The following JPH4 variants were observed in gnomAD, a reference collection of about 807,000 sequenced individuals.
The protein encoded by JPH4 is junctophilin-4.
JPH4 carries 18 observed loss-of-function variants against 57.6 expected under a neutral mutation model. The ratio of observed to expected loss-of-function variants is 0.31; its 90% confidence interval spans 0.22 to 0.46. The LOEUF is 0.46. Among genes scored for constraint, JPH4 ranks in the 20% least tolerant of loss-of-function variants. The pLI, the probability that JPH4 is intolerant of heterozygous loss-of-function variation, is 1.00. For missense variants in JPH4, 727 were observed against 911.1 expected (o/e 0.80, Z 2.60); for synonymous variants, 425 against 406.6 (o/e 1.05, Z -0.54).
Position 23,576,310 on chromosome 14 carries a change from G to C in JPH4, c.526C>G (p.Pro176Ala). The C allele has an allele frequency of 1.6e-6, 2 of 1,288,338 alleles. No homozygotes were observed. The highest frequency in any genetic ancestry group is 2.0e-6 in the Non-Finnish European group (2 of 1,019,846). 79.8% of individuals were successfully genotyped at this position (1,288,338 alleles called of 1,614,324 possible). ...GHSDPPTPPP[P>A]LPLPGDEGGS... ...CCCTCGTCGCCCGGCAAGGGCAGGG[G>C]CGGGGGTGGCGTCGGGGGGTCGCTG... The change falls in exon 3 of 6, where the codon CCC (proline) becomes GCC (alanine). Residue 176 changes from proline (P) to alanine (A), a missense_variant. By Grantham distance (27) the Pro-to-Ala change is conservative. Transcript: ENST00000356300. This position sits in a 1 kb window ranked among gnomAD's most constrained non-coding sequence, Gnocchi z 8.0.
chr14:23,570,815 G>T, intron 5 of JPH4, 113 bp downstream of exon 5: 1 of 1,119,830 alleles, frequency 8.9e-7, no homozygotes, highest in Non-Finnish European at 1.2e-6. Context: ...GACTGGCCAG[G>T]CAGAGGAAGC....
At position 23,577,070 on chromosome 14, in the gene JPH4, C is replaced by T; in HGVS notation, c.379+5G>A. On this transcript the variant is annotated splice_donor_5th_base_variant and intron_variant, in intron 2 of 5. Coordinates refer to ENST00000356300, the MANE Select transcript of JPH4 (RefSeq NM_001146028.2). The surrounding 1 kb of genome is among the most constrained non-coding windows in gnomAD (Gnocchi z 8.4). ...AGACAGACACTGGTGGGCCGGGCCC[C>T]GCACCTCCGTCGGAGTAGGTCTCAG... 1 of 1,521,062 alleles carries T rather than the reference C, an allele frequency of 6.6e-7. No homozygotes were observed. The highest frequency in any genetic ancestry group is 1.7e-4 in the Middle Eastern group (1 of 5,776). The allele number at this position is 1,521,062 out of a possible 1,614,324, so 94.2% of individuals were successfully genotyped here. A position where few individuals can be genotyped will look rare whatever the true frequency, so the allele number is the denominator to read the frequency against.
rs778725044 is a variant in JPH4 at position 23,571,926 on chromosome 14, G to C, written c.1152-6C>G. 6.2e-7 allele frequency: 1 copy of C among 1,609,582 alleles called. No individual in the cohort carries two copies. The highest frequency in any genetic ancestry group is 1.1e-5 in the South Asian group (1 of 91,072). On this transcript the variant is annotated splice_region_variant and splice_polypyrimidine_tract_variant and intron_variant, in intron 3 of 5. Coordinates refer to ENST00000356300, the MANE Select transcript of JPH4 (RefSeq NM_001146028.2). The surrounding 1 kb of genome is among the most constrained non-coding windows in gnomAD (Gnocchi z 4.6). Reference sequence around the variant, plus strand: ...TTAGGAGGGCGTCTGCTGCCCTGTCGGGTCCAGAGACAGGGATTTAGCAGA... The same window carrying C: ...TTAGGAGGGCGTCTGCTGCCCTGTCCGGTCCAGAGACAGGGATTTAGCAGA...
At position 23,571,655 on chromosome 14, in the gene JPH4, C is replaced by T. The variant is rs866919063; in HGVS notation, c.1270+147G>A. 2 of 1,000,300 alleles carry T rather than the reference C, an allele frequency of 2.0e-6. No homozygotes were observed. Among genetic ancestry groups the T allele is most frequent in the East Asian group, 4.8e-5 (2 of 41,866 alleles). The allele number at this position is 1,000,300 out of a possible 1,614,324, so 62.0% of individuals were successfully genotyped here. A position where few individuals can be genotyped will look rare whatever the true frequency, so the allele number is the denominator to read the frequency against. ...CCACTCCCCAGACTACCAGGTCTGG[C>T]CCCCACCCTGTGTTCCTTGCACCCT... On this transcript the variant is annotated intron_variant, in intron 4 of 5. Transcript: ENST00000356300. This position sits in a 1 kb window ranked among gnomAD's most constrained non-coding sequence, Gnocchi z 4.6.
In JPH4 at chr14:23,575,693, G is replaced by T; in HGVS notation, c.1143C>A (p.Ala381=). The T allele has an allele frequency of 6.2e-7, 1 of 1,602,330 alleles. No individual in the cohort carries two copies. The part of the protein sequence containing the change: ...VSAARQRQEI[A]AARAADALLK... ...CTGAACTGGACGCCCACCTGGCAGC[G>T]GCGATCTCCTGGCGCTGACGGGCAG... The change falls in exon 3 of 6, where the codon GCC becomes GCA. Residue 381 remains alanine, a synonymous_variant. Transcript: ENST00000356300. The surrounding 1 kb of genome is among the most constrained non-coding windows in gnomAD (Gnocchi z 6.9).
At position 23,569,969 on chromosome 14, in the gene JPH4, A is replaced by G. The variant is rs1462301384; in HGVS notation, c.1804-252T>C. On this transcript the variant is annotated intron_variant, in intron 5 of 5. Coordinates refer to ENST00000356300, the MANE Select transcript of JPH4 (RefSeq NM_001146028.2). This position sits in a 1 kb window ranked among gnomAD's most constrained non-coding sequence, Gnocchi z 4.8. ...TCTAGTCCCCTCCCATCAGCATATCATGTGTCCCAGGCAGGAGGTGCCTGG... is the reference window on the plus strand; with the variant it reads ...TCTAGTCCCCTCCCATCAGCATATCGTGTGTCCCAGGCAGGAGGTGCCTGG... Among the ~76,000 whole-genome samples, 1 of 152,020 alleles carries G rather than the reference A, an allele frequency of 6.6e-6. No individual in the cohort carries two copies. Among genetic ancestry groups the G allele is most frequent in the Non-Finnish European group, 1.5e-5 (1 of 68,008 alleles).
Position 23,575,552 on chromosome 14 carries a change from T to A in JPH4, c.1151+133A>T. 1 of 1,191,622 alleles carries A rather than the reference T, an allele frequency of 8.4e-7. No homozygotes were observed. Among genetic ancestry groups the A allele is most frequent in the Non-Finnish European group, 1.2e-6 (1 of 856,688 alleles). The allele number at this position is 1,191,622 out of a possible 1,614,324, so 73.8% of individuals were successfully genotyped here. On this transcript the variant is annotated intron_variant, in intron 3 of 5. Coordinates refer to ENST00000356300, the MANE Select transcript of JPH4 (RefSeq NM_001146028.2). The surrounding 1 kb of genome is among the most constrained non-coding windows in gnomAD (Gnocchi z 6.9). ...CACCAAGAATGCCCAGGGGTCCAAC[T>A]GCCTGGCCTTAGGCTTGCAATAGCA... is the stretch of plus-strand genomic sequence containing the variant.
In JPH4 at chr14:23,571,356, C is replaced by T; in HGVS notation, c.1375G>A (p.Glu459Lys). 2 of 1,600,218 alleles carry T rather than the reference C, an allele frequency of 1.2e-6. No homozygotes were observed. Among genetic ancestry groups the T allele is most frequent in the Non-Finnish European group, 1.7e-6 (2 of 1,177,876 alleles). ...GAGGAGGCAGGACTGCTGGGCAGTT[C>T]AGGGGATCCCTCTGAGGGGGTCAGT... Reference protein sequence around the residue: ...NGLTPSEGSPELPSSPASSRQ... With the variant: ...NGLTPSEGSPKLPSSPASSRQ... The change falls in exon 5 of 6, where the codon GAA becomes AAA. Residue 459 changes from glutamate to lysine, a missense_variant. This residue lies in a region of JPH4 where 293 missense variants were observed against 279.8 expected (regional missense o/e 1.05). Transcript: ENST00000356300. The surrounding 1 kb of genome is among the most constrained non-coding windows in gnomAD (Gnocchi z 4.6).
Position 23,569,066 on chromosome 14 carries a change from C to T in JPH4, c.*568G>A, listed in dbSNP as rs1888968883. ...TCAGTGCTTGGAGGTAAGATAATAGCCTCCAAGATTAGAGGTGGAGGATGC... is the reference window on the plus strand; with the variant it reads ...TCAGTGCTTGGAGGTAAGATAATAGTCTCCAAGATTAGAGGTGGAGGATGC... On this transcript the variant is annotated 3_prime_UTR_variant, in exon 6 of 6. Transcript: ENST00000356300. The surrounding 1 kb of genome is among the most constrained non-coding windows in gnomAD (Gnocchi z 4.8). 2 of 160,136 alleles carry T rather than the reference C, an allele frequency of 1.2e-5. No individual in the cohort carries two copies. Among genetic ancestry groups the T allele is most frequent in the Admixed American group, 1.2e-4 (2 of 17,114 alleles). The allele number at this position is 160,136 out of a possible 1,614,324, so 9.9% of individuals were successfully genotyped here. A position where few individuals can be genotyped will look rare whatever the true frequency, so the allele number is the denominator to read the frequency against.
At chr14:23,570,880 G>A in intron 5 of JPH4, 48 bp downstream of exon 5, 3 of 1,460,574 alleles carry the variant, frequency 2.1e-6, no homozygotes, top group Non-Finnish European at 1.8e-6. Flanking sequence ...AGGGTGGGAG[G>A]CAAGGCTTTG....
In JPH4 at chr14:23,575,406, T is replaced by A. The variant is rs868186729; in HGVS notation, c.1151+279A>T. The A allele has an allele frequency of 1.8e-6, 1 of 543,424 alleles. No individual in the cohort carries two copies. The allele number at this position is 543,424 out of a possible 1,614,324, so 33.7% of individuals were successfully genotyped here. A position where few individuals can be genotyped will look rare whatever the true frequency, so the allele number is the denominator to read the frequency against. On this transcript the variant is annotated intron_variant, in intron 3 of 5. Transcript: ENST00000356300. The surrounding 1 kb of genome is among the most constrained non-coding windows in gnomAD (Gnocchi z 6.9). Reference sequence around the variant, plus strand: ...GCTACTCCCACACACAACAATGGATTCCATAGACATGCATCTCCACACAAA... The same window carrying A: ...GCTACTCCCACACACAACAATGGATACCATAGACATGCATCTCCACACAAA...
chr14:23,573,208 C>T (rs28615398), intron 3 of JPH4, among the ~76,000 whole-genome samples: 3,225 of 152,248 alleles, frequency 0.021, 50 homozygotes, highest in South Asian at 0.095. Flanking sequence ...CTTTGGGAGC[C>T]GTGATTAGCC....
rs1889306190 is a variant in JPH4, at chr14:23,577,565, C to A, written c.-112G>T. 1.2e-6 allele frequency: 1 copy of A among 813,148 alleles called. No individual in the cohort carries two copies. Among genetic ancestry groups the A allele is most frequent in the Non-Finnish European group, 1.7e-6 (1 of 578,092 alleles). The allele number at this position is 813,148 out of a possible 1,614,324, so 50.4% of individuals were successfully genotyped here. On this transcript the variant is annotated 5_prime_UTR_variant, in exon 2 of 6. Transcript: ENST00000356300. The surrounding 1 kb of genome is among the most constrained non-coding windows in gnomAD (Gnocchi z 8.4). ...GGCCTCGGGGCGGGGGCAGTTAGAC[C>A]GGGGCCGGGCGGGGGGGCCCCAGCG...
rs1889189971 is a variant in JPH4 at position 23,572,975 on chromosome 14, T to TA, written c.1152-1056_1152-1055insT. 4.3e-6 allele frequency: 3 copies of TA among 702,422 alleles called. No individual in the cohort carries two copies. The East Asian group carries it at 8.0e-5, about 19-fold the overall frequency. 43.5% of individuals were successfully genotyped at this position (702,422 alleles called of 1,614,324 possible). ...TCTGCTGTTAATCGTAGATGCCTTG[T>TA]CATCCTTAAATGAGTTCTGTAATTC... On this transcript the variant is annotated intron_variant, in intron 3 of 5. Coordinates refer to ENST00000356300, the MANE Select transcript of JPH4 (RefSeq NM_001146028.2).
At position 23,570,990 on chromosome 14, in the gene JPH4, C is replaced by G. The variant is rs763473891; in HGVS notation, c.1741G>C (p.Asp581His). The change falls in exon 5 of 6, where the codon GAT becomes CAT. Residue 581 changes from aspartate (D) to histidine (H), a missense_variant. Asp to His is a moderately conservative substitution (Grantham distance 81). Coordinates refer to ENST00000356300, the MANE Select transcript of JPH4 (RefSeq NM_001146028.2). ...VLRGSSSRGP[D>H]AGCLTEELGE... Reference sequence around the variant, plus strand: ...AGCTCTTCTGTCAGGCACCCAGCATCAGGACCCCTCGAGGACGAGCCCCTC... The same window carrying G: ...AGCTCTTCTGTCAGGCACCCAGCATGAGGACCCCTCGAGGACGAGCCCCTC... 1 of 1,544,044 alleles carries G rather than the reference C, an allele frequency of 6.5e-7. No individual in the cohort carries two copies. Among genetic ancestry groups the G allele is most frequent in the East Asian group, 2.3e-5 (1 of 44,306 alleles).
Position 23,571,334 on chromosome 14 carries a change from G to A in JPH4, c.1397C>T (p.Ser466Phe). ...GSPELPSSPASSRQPWRPPAC... is the reference protein window; with the variant it reads ...GSPELPSSPAFSRQPWRPPAC... The stretch of plus-strand genomic sequence containing the variant: ...AGGGGGTCGCCAGGGTTGGCGGGAG[G>A]AGGCAGGACTGCTGGGCAGTTCAGG... Residue 466 changes from serine to phenylalanine, a missense_variant, in exon 5 of 6, where the codon TCC becomes TTC. Around this residue, in one of 7 missense-constraint regions of JPH4, gnomAD observed 293 missense variants for 279.8 expected, o/e 1.05. Coordinates refer to ENST00000356300, the MANE Select transcript of JPH4 (RefSeq NM_001146028.2). This position sits in a 1 kb window ranked among gnomAD's most constrained non-coding sequence, Gnocchi z 4.6. 6.3e-7 allele frequency: 1 copy of A among 1,596,822 alleles called. No individual in the cohort carries two copies. The highest frequency in any genetic ancestry group is 8.5e-7 in the Non-Finnish European group (1 of 1,174,118).
rs1008347122 is a variant in JPH4, at chr14:23,568,455, C to T, written c.*1179G>A. On this transcript the variant is annotated 3_prime_UTR_variant, in exon 6 of 6. Transcript: ENST00000356300. The stretch of plus-strand genomic sequence containing the variant: ...CAGGGCTCTCCACCCACCTGTCACC[C>T]GGGTTTGACTCCCACCTCTGCCCTG... The T allele has an allele frequency of 1.3e-5, 13 of 985,620 alleles. No homozygotes were observed. Among genetic ancestry groups the T allele is most frequent in the South Asian group, 9.4e-5 (2 of 21,280 alleles). The allele number at this position is 985,620 out of a possible 1,614,324, so 61.1% of individuals were successfully genotyped here. A position where few individuals can be genotyped will look rare whatever the true frequency, so the allele number is the denominator to read the frequency against.
In JPH4 at chr14:23,568,387, G is replaced by T; in HGVS notation, c.*1247C>A. ...CTCTTCCTAGGGCTTCCTGCTCCCAGGGGAAAAACTAATACCAGAGAGGGA... is the reference window on the plus strand; with the variant it reads ...CTCTTCCTAGGGCTTCCTGCTCCCATGGGAAAAACTAATACCAGAGAGGGA... On this transcript the variant is annotated 3_prime_UTR_variant, in exon 6 of 6. Transcript: ENST00000356300. 1 of 985,790 alleles carries T rather than the reference G, an allele frequency of 1.0e-6. No homozygotes were observed. The highest frequency in any genetic ancestry group is 1.2e-6 in the Non-Finnish European group (1 of 829,958). The allele number at this position is 985,790 out of a possible 1,614,324, so 61.1% of individuals were successfully genotyped here.
Position 23,577,575 on chromosome 14 carries a change from C to T in JPH4, c.-122G>A. On this transcript the variant is annotated 5_prime_UTR_variant, in exon 2 of 6. Transcript: ENST00000356300. The surrounding 1 kb of genome is among the most constrained non-coding windows in gnomAD (Gnocchi z 8.4). ...CGGGGGCAGTTAGACCGGGGCCGGG[C>T]GGGGGGGCCCCAGCGAGGGCAGGCA... The T allele has an allele frequency of 1.4e-6, 1 of 711,052 alleles. No individual in the cohort carries two copies. 44.0% of individuals were successfully genotyped at this position (711,052 alleles called of 1,614,324 possible).
Sources: gnomAD v4.1 joint callset for allele counts (sites outside exome capture counted in the v4.1 genomes callset) on GRCh38, gnomAD v4.1.1 for gene constraint, gnomAD v4.1.1 regional missense constraint, Gnocchi (gnomAD v3.1) non-coding constraint, MANE v1.5 for transcripts, NCBI Gene and HGNC (gene_info 2026-07-23, HGNC 2026-07-21) for gene names.